FAM13A: variants seen among roughly 807,000 people sequenced by gnomAD.
FAM13A encodes the protein protein FAM13A.
In FAM13A, 76 loss-of-function variants were observed where a neutral mutation model predicts 129.6. The observed-to-expected ratio is 0.59, with a 90% CI of 0.49 to 0.71. The LOEUF (loss-of-function observed/expected upper bound fraction) is 0.71. Ranked by LOEUF, FAM13A falls within the 30% of genes least tolerant of loss-of-function variation. The pLI is 0.00. For synonymous variants in FAM13A, 443 were observed against 449.9 expected, an observed-to-expected ratio of 0.98 and a Z score of 0.20; for missense variants, 1,108 against 1,249.3, an observed-to-expected ratio of 0.89 and a Z score of 1.70.
chr4:88,952,211 A>T (rs1024401999), intron 4 of FAM13A, among the ~76,000 whole-genome samples: 1 of 152,210 alleles, frequency 6.6e-6, no homozygotes, highest in Admixed American at 6.5e-5. Flanking sequence ...TGGAACAACC[A>T]GAATGCTTCC....
chr4:88,895,443 T>G lies in FAM13A; in HGVS notation c.843+10936A>C, dbSNP rs1189021379. Among the ~76,000 whole-genome samples, 9 of 150,874 alleles carry G rather than the reference T, an allele frequency of 6.0e-5. No individual in the cohort carries two copies. In the South Asian group the frequency reaches 1.0e-3, roughly 18 times the overall value. ...TGGGATCTAATTAAACTAAAGAGCT[T>G]CTGTACAGCAAAAGAAACTACCATC... On this transcript the variant is annotated intron_variant, in intron 6 of 23. Coordinates refer to ENST00000264344, the MANE Select transcript of FAM13A (RefSeq NM_014883.4).
intron 13 of FAM13A, 182 bp from the exon 14 acceptor site, chr4:88,759,083 G>C (rs1031617161): frequency 1.6e-5 from 9 of 578,706 alleles, no homozygotes; most frequent in Admixed American, 3.0e-5. Context: ...CATGCAGAAA[G>C]CAACTGTCCA....
At chr4:88,965,177 T>G (rs1759192351) in intron 4 of FAM13A, among the ~76,000 whole-genome samples, 1 of 152,162 alleles carries the variant, frequency 6.6e-6, no homozygotes, top group Non-Finnish European at 1.5e-5. Flanking sequence ...CAATGAGCAT[T>G]AGGCCATTCC....
At chr4:88,810,984 C>G (rs1008430032) in intron 7 of FAM13A, among the ~76,000 whole-genome samples, 3 of 152,122 alleles carry the variant, frequency 2.0e-5, no homozygotes, top group Non-Finnish European at 4.4e-5. Context: ...AAATACTGTT[C>G]TAGAACACTA....
intron 4 of FAM13A, among the ~76,000 whole-genome samples, chr4:88,942,346 C>T (rs1754900579): frequency 6.6e-6 from 1 of 151,964 alleles, no homozygotes; most frequent in East Asian, 1.9e-4. Flanking sequence ...GTGGGCGGAT[C>T]ACCTGAGGTT....
chr4:88,737,020 T>C (rs1394820046), intron 21 of FAM13A, among the ~76,000 whole-genome samples: 1 of 152,218 alleles, frequency 6.6e-6, no homozygotes, highest in Non-Finnish European at 1.5e-5. Context: ...TGTTTATATA[T>C]ATATTTCCTA....
At chr4:89,048,728 CAT>C (rs2149176921) in intron 1 of FAM13A, among the ~76,000 whole-genome samples, 1 of 152,230 alleles carries the variant, frequency 6.6e-6, no homozygotes, top group South Asian at 2.1e-4. Flanking sequence ...AGTCTAATAA[CAT>C]ATTATTGCTT....
intron 7 of FAM13A, among the ~76,000 whole-genome samples, chr4:88,807,603 A>C (rs1728828786): frequency 6.6e-6 from 1 of 152,190 alleles, no homozygotes; most frequent in Non-Finnish European, 1.5e-5. Flanking sequence ...AGGTTAGTGA[A>C]GAAAATGCAT....
At chr4:88,759,007 C>T in intron 13 of FAM13A, 106 bp from the exon 14 acceptor site, 4 of 1,154,420 alleles carry the variant, frequency 3.5e-6, no homozygotes, top group Admixed American at 2.2e-5. Context: ...GTCACAGCTG[C>T]TAATGCATCC....
chr4:88,858,017 T>G (rs1315568778), intron 6 of FAM13A, among the ~76,000 whole-genome samples: 1 of 152,238 alleles, frequency 6.6e-6, no homozygotes. Context: ...TCATTTATAT[T>G]CAATTTCAAA....
rs10452161 is a variant in FAM13A, at chr4:88,864,537, T to G, written c.844-13354A>C. On this transcript the variant is annotated intron_variant, in intron 6 of 23. Transcript: ENST00000264344. ...TATTCTCCTGCCTCAGCCTCCCGAGTAGCTGGGACTACAGGCACGCGCCAC... is the reference window on the plus strand; with the variant it reads ...TATTCTCCTGCCTCAGCCTCCCGAGGAGCTGGGACTACAGGCACGCGCCAC... Among the ~76,000 whole-genome samples, 215 of 151,956 alleles carry G rather than the reference T, an allele frequency of 1.4e-3. 3 individuals are homozygous for G. The highest frequency in any genetic ancestry group is 5.0e-3 in the African/African-American group (206 of 41,426).
At chr4:88,866,190 G>A (rs1192284073) in intron 6 of FAM13A, among the ~76,000 whole-genome samples, 1 of 152,096 alleles carries the variant, frequency 6.6e-6, no homozygotes, top group East Asian at 1.9e-4. Flanking sequence ...GGGATTACAG[G>A]CGCCTGCCAC....
chr4:89,042,287 A>T (rs1011820466), intron 1 of FAM13A, among the ~76,000 whole-genome samples: 10 of 152,146 alleles, frequency 6.6e-5, no homozygotes, highest in African/African-American at 2.4e-4. Context: ...AAGGACTTGT[A>T]GCCTGATGAC....
chr4:88,985,788 A>G (rs1762151308), intron 4 of FAM13A, among the ~76,000 whole-genome samples: 1 of 152,072 alleles, frequency 6.6e-6, no homozygotes, highest in African/African-American at 2.4e-5. Context: ...TCAGAAAAGT[A>G]CCATTGACTA....
At chr4:88,788,839 G>C (rs1724526631) in intron 9 of FAM13A, among the ~76,000 whole-genome samples, 1 of 152,102 alleles carries the variant, frequency 6.6e-6, no homozygotes, top group South Asian at 2.1e-4. Flanking sequence ...TAAATAAACT[G>C]TGTTTTGAGA....
At chr4:89,008,569 A>C (rs1021336818) in intron 3 of FAM13A, among the ~76,000 whole-genome samples, 3 of 152,230 alleles carry the variant, frequency 2.0e-5, no homozygotes, top group African/African-American at 4.8e-5. Context: ...TAGCTGATTA[A>C]TACAAGCAGT....
chr4:88,950,673 T>G (rs1368693734), intron 4 of FAM13A, among the ~76,000 whole-genome samples: 4 of 152,226 alleles, frequency 2.6e-5, no homozygotes, highest in Non-Finnish European at 5.9e-5. Context: ...GATAGATGTA[T>G]ACTATTTATC....
In FAM13A at chr4:88,747,663, G is replaced by T. The variant is rs769268616; in HGVS notation, c.2350C>A (p.Arg784=). The change falls in exon 18 of 24, where the codon CGA becomes AGA. Residue 784 remains arginine, a synonymous_variant. Coordinates refer to ENST00000264344, the MANE Select transcript of FAM13A (RefSeq NM_014883.4). The part of the protein sequence containing the change: ...ESIQRKLQEK[R]AESSRPEDIK... ...TCCTCAGGGCGGCTGCTTTCCGCTC[G>T]CTTCTCCTGGAGCTTCCTCTGAATA... 6.2e-7 allele frequency: 1 copy of T among 1,613,994 alleles called. No homozygotes were observed.
At chr4:88,988,581 A>G (rs756812316) in intron 4 of FAM13A, among the ~76,000 whole-genome samples, 2 of 152,224 alleles carry the variant, frequency 1.3e-5, no homozygotes, top group Admixed American at 6.5e-5. Flanking sequence ...CTAGTTAATG[A>G]GAAAATGTAT....
Sources: gnomAD v4.1 joint callset for allele counts (sites outside exome capture counted in the v4.1 genomes callset) on GRCh38, gnomAD v4.1.1 for gene constraint, MANE v1.5 for transcripts, NCBI Gene and HGNC (gene_info 2026-07-23, HGNC 2026-07-21) for gene names.